The following PDZD2 variants were observed in gnomAD, a reference collection of about 807,000 sequenced individuals.
The protein encoded by PDZD2 is PDZ domain-containing protein 2.
Under a neutral mutation model 220.7 loss-of-function variants are expected in PDZD2, and 90 were observed. The ratio of observed to expected loss-of-function variants is 0.41; its 90% CI spans 0.34 to 0.49. PDZD2 has a LOEUF of 0.49. PDZD2 is among the 20% of genes least tolerant of loss of function. The probability of loss-of-function intolerance (pLI) is 0.28; values close to 1 mark genes in which losing one functional copy is unlikely to be tolerated. For missense variants in PDZD2, 3,174 were observed against 3,608.5 expected, an observed-to-expected ratio of 0.88 and a Z score of 3.08; for synonymous variants, 1,375 against 1,450.5, an observed-to-expected ratio of 0.95 and a Z score of 1.18.
chr5:31,979,094 G>A (rs2111842345), intron 2 of PDZD2, among the ~76,000 whole-genome samples: 1 of 152,246 alleles, frequency 6.6e-6, no homozygotes, highest in South Asian at 2.1e-4. Flanking sequence ...TGAATCAATA[G>A]GCCAGACTTT....
intron 14 of PDZD2, among the ~76,000 whole-genome samples, 183 bp from the exon 15 acceptor site, chr5:32,069,386 G>A (rs1432849932): frequency 1.3e-5 from 2 of 152,046 alleles, no homozygotes; most frequent in Non-Finnish European, 2.9e-5. Context: ...GAAAAGTCTT[G>A]TTATGTGTGT....
intron 2 of PDZD2, among the ~76,000 whole-genome samples, chr5:31,906,856 A>C (rs1426951827): frequency 6.6e-6 from 1 of 152,186 alleles, no homozygotes; most frequent in Non-Finnish European, 1.5e-5. Flanking sequence ...AAAAAGAAAA[A>C]ACAAAAGAGA....
At chr5:31,764,272 T>C (rs937801606) in intron 1 of PDZD2, among the ~76,000 whole-genome samples, 1 of 152,226 alleles carries the variant, frequency 6.6e-6, no homozygotes, top group Non-Finnish European at 1.5e-5. Flanking sequence ...AAGCTCCAGA[T>C]GATAGTCTTT....
chr5:31,779,729 C>T (rs1440004201), intron 1 of PDZD2, among the ~76,000 whole-genome samples: 1 of 152,088 alleles, frequency 6.6e-6, no homozygotes, highest in Admixed American at 6.6e-5. Flanking sequence ...GTATTTTTAG[C>T]AATTTGTGGT....
rs1048202202 is a variant in PDZD2 at position 32,110,545 on chromosome 5, A to G, written c.*2410A>G. On this transcript the variant is annotated 3_prime_UTR_variant, in exon 25 of 25. Coordinates refer to ENST00000438447, the MANE Select transcript of PDZD2 (RefSeq NM_178140.4). ...AAGTGAACACTAATGGTATTGTCCT[A>G]CTAAAACTGTCATTGTTTCTTTTTT... The G allele has an allele frequency of 1.3e-5, 2 of 152,646 alleles. No homozygotes were observed. The highest frequency in any genetic ancestry group is 4.8e-5 in the African/African-American group (2 of 41,446). The allele number at this position is 152,646 out of a possible 1,614,324, so 9.5% of individuals were successfully genotyped here.
chr5:31,727,135 C>G (rs1029309956), intron 1 of PDZD2, among the ~76,000 whole-genome samples: 1 of 152,198 alleles, frequency 6.6e-6, no homozygotes, highest in African/African-American at 2.4e-5. Flanking sequence ...GTCCAAACAC[C>G]TCCCACCAGG....
chr5:31,644,943 T>C (rs1196658057), intron 1 of PDZD2, among the ~76,000 whole-genome samples: 2 of 152,148 alleles, frequency 1.3e-5, no homozygotes, highest in South Asian at 2.1e-4. Context: ...AGAAGCAGCA[T>C]TGGGGGAACC....
intron 1 of PDZD2, among the ~76,000 whole-genome samples, chr5:31,680,354 A>G (rs1185861724): frequency 6.6e-6 from 1 of 152,178 alleles, no homozygotes; most frequent in African/African-American, 2.4e-5. Flanking sequence ...AGACATTGCA[A>G]AAGAAAGACT....
At chr5:31,663,856 T>G (rs924925253) in intron 1 of PDZD2, among the ~76,000 whole-genome samples, 11 of 121,796 alleles carry the variant, frequency 9.0e-5, no homozygotes, top group South Asian at 2.2e-4. Context: ...AAGTTTAGGG[T>G]GTGTGTGTGT....
intron 2 of PDZD2, among the ~76,000 whole-genome samples, chr5:31,851,590 CA>C (rs1212494800): frequency 6.6e-6 from 1 of 152,204 alleles, no homozygotes; most frequent in Non-Finnish European, 1.5e-5. Flanking sequence ...AACGTATCAG[CA>C]GTTCCCACTC....
chr5:31,919,253 T>A (rs1430356522), intron 2 of PDZD2, among the ~76,000 whole-genome samples: 1 of 152,222 alleles, frequency 6.6e-6, no homozygotes, highest in African/African-American at 2.4e-5. Context: ...CATTTTCATA[T>A]GAGGAAACTG....
At chr5:31,977,789 A>G (rs1027116635) in intron 2 of PDZD2, among the ~76,000 whole-genome samples, 5 of 152,156 alleles carry the variant, frequency 3.3e-5, no homozygotes, top group African/African-American at 4.8e-5. Flanking sequence ...CCTGGCCAAC[A>G]TGGCAAAACC....
intron 1 of PDZD2, among the ~76,000 whole-genome samples, chr5:31,718,627 G>C (rs1418143472): frequency 6.6e-6 from 1 of 150,930 alleles, no homozygotes; most frequent in African/African-American, 2.4e-5. Context: ...ATCTCTCTCT[G>C]TGTCCTAATC....
intron 2 of PDZD2, among the ~76,000 whole-genome samples, chr5:31,881,374 ATT>A (rs397884700): frequency 7.2e-4 from 72 of 100,264 alleles, no homozygotes; most frequent in Non-Finnish European, 1.2e-3. Context: ...GTGTGTATAT[ATT>A]TTTTTTTTTT....
intron 2 of PDZD2, among the ~76,000 whole-genome samples, chr5:31,900,659 T>C (rs2150357657): frequency 6.6e-6 from 1 of 152,304 alleles, no homozygotes; most frequent in South Asian, 2.1e-4. Context: ...AATTAGGTGA[T>C]TTCATGTAAA....
intron 1 of PDZD2, among the ~76,000 whole-genome samples, chr5:31,743,754 G>A (rs1561424418): frequency 1.3e-5 from 2 of 151,856 alleles, no homozygotes; most frequent in South Asian, 2.1e-4. Context: ...CCCACTCTCT[G>A]TCAGATTCTC....
chr5:32,026,031 A>G (rs1345775), intron 6 of PDZD2, among the ~76,000 whole-genome samples: 143,889 of 152,314 alleles, frequency 0.94, 68,196 homozygotes, highest in Non-Finnish European at 0.97. Context: ...AGAGCCTGGT[A>G]TGTTTACTGT....
chr5:31,772,756 C>T (rs1253185841), intron 1 of PDZD2, among the ~76,000 whole-genome samples: 1 of 152,226 alleles, frequency 6.6e-6, no homozygotes, highest in Non-Finnish European at 1.5e-5. Flanking sequence ...GTTTCCTAGA[C>T]ATTTGTGCCT....
At chr5:31,880,059 G>C (rs557528767) in intron 2 of PDZD2, among the ~76,000 whole-genome samples, 1 of 151,778 alleles carries the variant, frequency 6.6e-6, no homozygotes, top group Non-Finnish European at 1.5e-5. Flanking sequence ...GATGACAGGC[G>C]CCCACCACCA....
Sources: gnomAD v4.1 joint callset for allele counts (sites outside exome capture counted in the v4.1 genomes callset) on GRCh38, gnomAD v4.1.1 for gene constraint, MANE v1.5 for transcripts, NCBI Gene and HGNC (gene_info 2026-07-23, HGNC 2026-07-21) for gene names.